The following DSPP variants were observed in gnomAD, a reference collection of about 807,000 sequenced individuals.
The protein encoded by DSPP is dentin sialophosphoprotein, also known as deafness, autosomal dominant 39.
In DSPP, 28 loss-of-function variants were observed where a neutral mutation model predicts 29.1. The ratio of observed to expected loss-of-function variants is 0.96; its 90% CI spans 0.71 to 1.32. DSPP has a LOEUF of 1.32. DSPP is among the 40% of genes most tolerant of loss of function. The pLI, the probability that DSPP is intolerant of heterozygous loss-of-function variation, is 0.00. For synonymous variants in DSPP, 481 were observed against 503.4 expected (o/e 0.96, Z 0.60); for missense variants, 1,281 against 1,629.9 (o/e 0.79, Z 3.69).
chr4:87,613,298 G>C lies in DSPP; in HGVS notation c.1112G>C (p.Ser371Thr). The change falls in exon 4 of 5, where the codon AGC becomes ACC. Residue 371 changes from serine to threonine, a missense_variant. Coordinates refer to ENST00000651931, the MANE Select transcript of DSPP (RefSeq NM_014208.3). ...KESETHAVGKSQDKGIEIKGP... is the reference protein window; with the variant it reads ...KESETHAVGKTQDKGIEIKGP... ...TCAGAGACACATGCTGTTGGGAAGA[G>C]CCAAGATAAGGTTAGTTTGTAAAGC... 6.2e-7 allele frequency: 1 copy of C among 1,613,130 alleles called. No homozygotes were observed. The highest frequency in any genetic ancestry group is 1.1e-5 in the South Asian group (1 of 91,050).
chr4:87,611,971 C>A, intron 2 of DSPP, 134 bp from the exon 3 acceptor site: 2 of 959,584 alleles, frequency 2.1e-6, no homozygotes, highest in South Asian at 2.8e-5. Flanking sequence ...ATACTTTGGC[C>A]TTTGTGTTAA....
In DSPP at chr4:87,615,580, G is replaced by A. The variant is rs1578141679; in HGVS notation, c.2918G>A (p.Ser973Asn). Residue 973 changes from serine to asparagine, a missense_variant, in exon 5 of 5, where the codon AGC (serine) becomes AAC (asparagine). This residue lies in a region of DSPP where 444 missense variants were observed against 611.4 expected (regional missense o/e 0.73). Coordinates refer to ENST00000651931, the MANE Select transcript of DSPP (RefSeq NM_014208.3). ...AGCAGTGACAGCAGTGATAGCAATA[G>A]CAGCGACAGCAGTGACAGCAGCAAC... The part of the protein sequence containing the change: ...SNSSDSSDSN[S>N]SDSSDSSNSS... 2 of 1,546,660 alleles carry A rather than the reference G, an allele frequency of 1.3e-6. No homozygotes were observed. Among genetic ancestry groups the A allele is most frequent in the Non-Finnish European group, 1.7e-6 (2 of 1,145,802 alleles).
In DSPP at chr4:87,614,195, A is replaced by C. The variant is rs1429184123; in HGVS notation, c.1533A>C (p.Glu511Asp). Residue 511 changes from glutamate (E) to aspartate (D), a missense_variant, in exon 5 of 5, where the codon GAA becomes GAC. Around this residue, in one of 4 missense-constraint regions of DSPP, gnomAD observed 631 missense variants for 643.2 expected, o/e 0.98. Transcript: ENST00000651931. ...NGNGSDSKGA[E>D]DDDSDSTSDT... ...ATGGCAGTGACTCAAAAGGAGCAGA[A>C]GATGATGACAGTGATAGCACATCAG... is the stretch of plus-strand genomic sequence containing the variant. The C allele has an allele frequency of 3.7e-6, 6 of 1,614,252 alleles. No homozygotes were observed. Among genetic ancestry groups the C allele is most frequent in the South Asian group, 3.3e-5 (3 of 91,086 alleles).
rs1457335278 is a variant in DSPP at position 87,612,827 on chromosome 4, C to T, written c.641C>T (p.Thr214Ile). 1.1e-5 allele frequency: 18 copies of T among 1,614,006 alleles called. No individual in the cohort carries two copies. Among genetic ancestry groups the T allele is most frequent in the Non-Finnish European group, 1.5e-5 (18 of 1,180,022 alleles). ...CRNEGNTSEI[T>I]PQINSKRNGT... ...AACGAGGGTAATACAAGTGAAATAA[C>T]ACCTCAGATCAACAGCAAGAGAAAT... Residue 214 changes from threonine to isoleucine, a missense_variant, in exon 4 of 5, where the codon ACA becomes ATA. Coordinates refer to ENST00000651931, the MANE Select transcript of DSPP (RefSeq NM_014208.3).
intron 1 of DSPP, among the ~76,000 whole-genome samples, chr4:87,610,105 G>C (rs1308459610): frequency 6.6e-6 from 1 of 151,946 alleles, no homozygotes; most frequent in Non-Finnish European, 1.5e-5. Flanking sequence ...CACTCTCCTG[G>C]GCCTCAGGAG....
Position 87,613,611 on chromosome 4 carries a change from G to A in DSPP, c.1123-174G>A, listed in dbSNP as rs72868627. 0.13 allele frequency among the ~76,000 whole-genome samples: 19,933 copies of A among 152,204 alleles called. 2,476 individuals are homozygous for A. Among genetic ancestry groups the A allele is most frequent in the African/African-American group, 0.32 (13,440 of 41,506 alleles). ...GTGGATGAATTTTTAAGGAATCTAAGCACCAGGATGCTTTCAATTACAGAA... is the reference window on the plus strand; with the variant it reads ...GTGGATGAATTTTTAAGGAATCTAAACACCAGGATGCTTTCAATTACAGAA... On this transcript the variant is annotated intron_variant, in intron 4 of 4. Coordinates refer to ENST00000651931, the MANE Select transcript of DSPP (RefSeq NM_014208.3).
In DSPP at chr4:87,612,381, T is replaced by C; in HGVS notation, c.195T>C (p.Asp65=). The C allele has an allele frequency of 6.2e-7, 1 of 1,614,058 alleles. No individual in the cohort carries two copies. Among genetic ancestry groups the C allele is most frequent in the Non-Finnish European group, 8.5e-7 (1 of 1,179,990 alleles). Reference sequence around the variant, plus strand: ...GTGGTGTCCTGGTGCATGAAGGTGATAGAGGAAGGCAAGAGAATACCCAAG... The same window carrying C: ...GTGGTGTCCTGGTGCATGAAGGTGACAGAGGAAGGCAAGAGAATACCCAAG... The part of the protein sequence containing the change: ...KESGVLVHEG[D]RGRQENTQDG... Residue 65 remains aspartate (D), a synonymous_variant, in exon 4 of 5, where the codon GAT becomes GAC. Transcript: ENST00000651931.
At position 87,616,529 on chromosome 4, in the gene DSPP, T is replaced by A. The variant is rs1215528721; in HGVS notation, c.3867T>A (p.Ser1289Arg). 3 of 1,551,694 alleles carry A rather than the reference T, an allele frequency of 1.9e-6. No homozygotes were observed. In the Admixed American group the frequency reaches 5.9e-5, roughly 30 times the overall value. ...NNNGSDSDSD[S>R]EGSDSNHSTS... ...ATGGAAGTGACAGTGACAGTGACAGTGAAGGCAGTGACAGTAACCACTCAA... is the reference window on the plus strand; with the variant it reads ...ATGGAAGTGACAGTGACAGTGACAGAGAAGGCAGTGACAGTAACCACTCAA... Residue 1289 changes from serine (S) to arginine (R), a missense_variant, in exon 5 of 5, where the codon AGT becomes AGA. Physicochemically the swap from Ser to Arg is moderately radical, Grantham distance 110. Coordinates refer to ENST00000651931, the MANE Select transcript of DSPP (RefSeq NM_014208.3).
chr4:87,615,455 C>A lies in DSPP; in HGVS notation c.2793C>A (p.Asp931Glu). ...SDSSESSNSS[D>E]NSNSSDSSNS... ...GCAGTGAAAGCAGTAATAGTAGTGACAACAGCAATAGCAGTGACAGCAGCA... is the reference window on the plus strand; with the variant it reads ...GCAGTGAAAGCAGTAATAGTAGTGAAAACAGCAATAGCAGTGACAGCAGCA... The change falls in exon 5 of 5, where the codon GAC (aspartate) becomes GAA (glutamate). Residue 931 changes from aspartate to glutamate, a missense_variant. Coordinates refer to ENST00000651931, the MANE Select transcript of DSPP (RefSeq NM_014208.3). 1.3e-6 allele frequency: 2 copies of A among 1,550,450 alleles called. No individual in the cohort carries two copies. Among genetic ancestry groups the A allele is most frequent in the Non-Finnish European group, 1.7e-6 (2 of 1,146,778 alleles).
Position 87,612,125 on chromosome 4 carries a change from G to A in DSPP, c.72G>A (p.Leu24=). ...WAIPVPQSKP[L]ERHVEKSMNL... ...GGCAGGTTCCTCAAAGCAAACCACT[G>A]GAGAGACATGTCGAAAAATCCATGA... Residue 24 remains leucine (L), a synonymous_variant, in exon 3 of 5, where the codon CTG becomes CTA. Transcript: ENST00000651931. 1 of 1,613,764 alleles carries A rather than the reference G, an allele frequency of 6.2e-7. No homozygotes were observed. The highest frequency in any genetic ancestry group is 8.5e-7 in the Non-Finnish European group (1 of 1,179,842).
rs1439302282 is a variant in DSPP at position 87,616,377 on chromosome 4, G to A, written c.3715G>A (p.Asp1239Asn). The change falls in exon 5 of 5, where the codon GAC (aspartate) becomes AAC (asparagine). Residue 1239 changes from aspartate (D) to asparagine (N), a missense_variant. Around this residue, in one of 4 missense-constraint regions of DSPP, gnomAD observed 134 missense variants for 185.0 expected, o/e 0.72. Coordinates refer to ENST00000651931, the MANE Select transcript of DSPP (RefSeq NM_014208.3). ...SDSNESSDSS[D>N]SSDSSDSSNS... ...CAGCAATGAAAGCAGCGACAGCAGT[G>A]ACAGCAGCGATAGCAGTGACAGCAG... 10 of 1,521,862 alleles carry A rather than the reference G, an allele frequency of 6.6e-6. No individual in the cohort carries two copies. Among genetic ancestry groups the A allele is most frequent in the Non-Finnish European group, 8.9e-6 (10 of 1,126,466 alleles). 94.3% of individuals were successfully genotyped at this position (1,521,862 alleles called of 1,614,324 possible). A position where few individuals can be genotyped will look rare whatever the true frequency, so the allele number is the denominator to read the frequency against.
chr4:87,611,815 C>T (rs1727739480), intron 2 of DSPP, among the ~76,000 whole-genome samples: 1 of 152,196 alleles, frequency 6.6e-6, no homozygotes, highest in African/African-American at 2.4e-5. Context: ...TTCTACAAGA[C>T]TCTTTCCTTC....
At position 87,616,813 on chromosome 4, in the gene DSPP, T is replaced by A; in HGVS notation, c.*245T>A. The A allele has an allele frequency of 1.5e-6, 1 of 653,642 alleles. No individual in the cohort carries two copies. 40.5% of individuals were successfully genotyped at this position (653,642 alleles called of 1,614,324 possible). On this transcript the variant is annotated 3_prime_UTR_variant, in exon 5 of 5. Coordinates refer to ENST00000651931, the MANE Select transcript of DSPP (RefSeq NM_014208.3). ...TATTCATGTTCTGAAAATATTTTGTTAAAAGTGTAAATCTAAACATAAAAG... is the reference window on the plus strand; with the variant it reads ...TATTCATGTTCTGAAAATATTTTGTAAAAAGTGTAAATCTAAACATAAAAG...
At position 87,612,334 on chromosome 4, in the gene DSPP, G is replaced by C. The variant is rs376270964; in HGVS notation, c.148G>C (p.Ala50Pro). ...SNVSVQDELN[A>P]SGTIKESGVL... ...GTTTCTTTTTCAGGATGAGTTAAAT[G>C]CCAGTGGAACCATCAAAGAAAGTGG... Residue 50 changes from alanine to proline, a missense_variant, in exon 4 of 5, where the codon GCC becomes CCC. By Grantham distance (27) the Ala-to-Pro change is conservative. Coordinates refer to ENST00000651931, the MANE Select transcript of DSPP (RefSeq NM_014208.3). 5.6e-5 allele frequency: 90 copies of C among 1,613,918 alleles called. No homozygotes were observed. In the African/African-American group the frequency reaches 1.1e-3, roughly 21 times the overall value.
Position 87,613,136 on chromosome 4 carries a change from T to G in DSPP, c.950T>G (p.Val317Gly). Reference sequence around the variant, plus strand: ...GGCAAAGAAGATCCCCATAATGAAGTTGATGGAGACAAGACCTCCAAGAGT... The same window carrying G: ...GGCAAAGAAGATCCCCATAATGAAGGTGATGGAGACAAGACCTCCAAGAGT... ...PEGKEDPHNE[V>G]DGDKTSKSEE... is the part of the protein sequence containing the mutation. The change falls in exon 4 of 5, where the codon GTT becomes GGT. Residue 317 changes from valine (V) to glycine (G), a missense_variant. Physicochemically the swap from Val to Gly is moderately radical, Grantham distance 109. Coordinates refer to ENST00000651931, the MANE Select transcript of DSPP (RefSeq NM_014208.3). 6.2e-7 allele frequency: 1 copy of G among 1,614,114 alleles called. No homozygotes were observed. The highest frequency in any genetic ancestry group is 8.5e-7 in the Non-Finnish European group (1 of 1,180,034).
chr4:87,613,751 CTAGT>C (rs1217025791), intron 4 of DSPP, 30 bp from the exon 5 acceptor site: 17 of 1,613,940 alleles, frequency 1.1e-5, no homozygotes, highest in East Asian at 2.2e-5. Context: ...CAAATATTCA[CTAGT>C]TAATCATTCT....
chr4:87,616,235 CAGCAGCGACAGCAGCGAT>C lies in DSPP; in HGVS notation c.3594_3611del (p.Ser1226_Ser1231del), dbSNP rs754574988. 435 of 1,520,784 alleles carry C rather than the reference CAGCAGCGACAGCAGCGAT, an allele frequency of 2.9e-4. 46 individuals are homozygous for C. Among genetic ancestry groups the C allele is most frequent in the African/African-American group, 4.9e-4 (34 of 69,290 alleles). 94.2% of individuals were successfully genotyped at this position (1,520,784 alleles called of 1,614,324 possible). A position where few individuals can be genotyped will look rare whatever the true frequency, so the allele number is the denominator to read the frequency against. Reference sequence around the variant, plus strand: ...GCAGCGACAGCAGTGATAGCAGTGACAGCAGCGACAGCAGCGATAGCAGCGACAGCAGCGATAGTAGTG... The same window carrying C: ...GCAGCGACAGCAGTGATAGCAGTGACAGCAGCGACAGCAGCGATAGTAGTG... On this transcript the variant is annotated inframe_deletion, in exon 5 of 5. Coordinates refer to ENST00000651931, the MANE Select transcript of DSPP (RefSeq NM_014208.3).
intron 1 of DSPP, 145 bp from the exon 2 acceptor site, chr4:87,610,736 T>A (rs1465764980): frequency 1.6e-6 from 1 of 629,864 alleles, no homozygotes; most frequent in Non-Finnish European, 2.8e-6. Flanking sequence ...ACACCAGGTA[T>A]GTTCTGGACC....
At position 87,616,623 on chromosome 4, in the gene DSPP, GA is replaced by G; in HGVS notation, c.*62del. The G allele has an allele frequency of 6.5e-7, 1 of 1,541,174 alleles. No homozygotes were observed. Among genetic ancestry groups the G allele is most frequent in the South Asian group, 1.2e-5 (1 of 83,840 alleles). On this transcript the variant is annotated 3_prime_UTR_variant, in exon 5 of 5. Coordinates refer to ENST00000651931, the MANE Select transcript of DSPP (RefSeq NM_014208.3). ...TGTGAAAAGTTTGGTAATGGGATAG[GA>G]AAAAAAGATTTCCAAGAAAGTAAAG...
Sources: gnomAD v4.1 joint callset for allele counts (sites outside exome capture counted in the v4.1 genomes callset) on GRCh38, gnomAD v4.1.1 for gene constraint, gnomAD v4.1.1 regional missense constraint, MANE v1.5 for transcripts, NCBI Gene and HGNC (gene_info 2026-07-23, HGNC 2026-07-21) for gene names.